Variants in SYS1 observed in about 807,000 individuals in gnomAD.
SYS1 encodes the protein protein SYS1 homolog.
SYS1 carries 8 observed loss-of-function variants against 17.8 expected under a neutral mutation model. That is an observed-to-expected ratio of 0.45 (90% confidence interval 0.26 to 0.81). The LOEUF (loss-of-function observed/expected upper bound fraction) is 0.81, where lower values mean the gene tolerates loss of function less well. SYS1 is among the 40% of genes least tolerant of loss of function. The probability of loss-of-function intolerance (pLI) is 0.16; values close to 1 mark genes in which losing one functional copy is unlikely to be tolerated. For synonymous variants in SYS1, 95 were observed against 90.9 expected (o/e 1.05, Z -0.26); for missense variants, 161 against 203.9 (o/e 0.79, Z 1.28).
chr20:45,362,456 T>C (rs1988253555), upstream of SYS1, among the ~76,000 whole-genome samples: 1 of 152,070 alleles, frequency 6.6e-6, no homozygotes. Context: ...AACCTCTGCC[T>C]CCCGGGTTCA....
rs1274895941 is a variant in SYS1, at chr20:45,363,414, C to T, written c.-4+99C>T. The T allele has an allele frequency of 1.3e-5, 19 of 1,450,608 alleles. No individual in the cohort carries two copies. The African/African-American group carries it at 2.4e-4, about 18-fold the overall frequency. The allele number at this position is 1,450,608 out of a possible 1,614,324, so 89.9% of individuals were successfully genotyped here. A position where few individuals can be genotyped will look rare whatever the true frequency, so the allele number is the denominator to read the frequency against. On this transcript the variant is annotated intron_variant, in intron 1 of 3. Transcript: ENST00000243918. ...CTGAGAATGGGTCTGTCTGCCCCGCCTTCCCCCTGACTCTTGGAATGGGCT... is the reference window on the plus strand; with the variant it reads ...CTGAGAATGGGTCTGTCTGCCCCGCTTTCCCCCTGACTCTTGGAATGGGCT...
downstream of SYS1, chr20:45,373,995 G>T: frequency 6.2e-7 from 1 of 1,613,926 alleles, no homozygotes; most frequent in Non-Finnish European, 8.5e-7. Context: ...TCTGGCTCTC[G>T]TCCAGGTCAC....
Position 45,363,279 on chromosome 20 carries a change from C to A in SYS1, c.-40C>A. On this transcript the variant is annotated 5_prime_UTR_variant, in exon 1 of 4. Coordinates refer to ENST00000243918, the MANE Select transcript of SYS1 (RefSeq NM_033542.4). The stretch of plus-strand genomic sequence containing the variant: ...TTGGGAGCCCGCCGGTGAGGCCGGG[C>A]CACGCTCAGACACTTCGATCGTCGA... 1.6e-6 allele frequency: 2 copies of A among 1,265,142 alleles called. No homozygotes were observed. Among genetic ancestry groups the A allele is most frequent in the Non-Finnish European group, 2.0e-6 (2 of 1,000,006 alleles). The allele number at this position is 1,265,142 out of a possible 1,614,324, so 78.4% of individuals were successfully genotyped here.
chr20:45,375,942 G>T (rs1328707268), exon 4 of SYS1: 2 of 186,308 alleles, frequency 1.1e-5, no homozygotes, highest in Non-Finnish European at 2.2e-5. Flanking sequence ...CTGACCCACT[G>T]GGGCAGGATA....
At chr20:45,376,493 A>T (rs1203694893) in exon 4 of SYS1, 1 of 152,394 alleles carries the variant, frequency 6.6e-6, no homozygotes, top group Admixed American at 6.5e-5. Flanking sequence ...GGATTCAGAC[A>T]AACGGGCTCA....
downstream of SYS1, chr20:45,373,992 C>T: frequency 1.2e-6 from 2 of 1,614,092 alleles, no homozygotes; most frequent in Non-Finnish European, 1.7e-6. Context: ...ACCTCTGGCT[C>T]TCGTCCAGGT....
Position 45,367,138 on chromosome 20 carries a change from G to T in SYS1, c.*23G>T. On this transcript the variant is annotated 3_prime_UTR_variant, in exon 4 of 4. Transcript: ENST00000243918. ...TAGAATCAGGCCCTTTGGACATCCT[G>T]CTGACACTTGGGCCCCTTAACACCT... is the stretch of plus-strand genomic sequence containing the variant. 6.2e-7 allele frequency: 1 copy of T among 1,613,012 alleles called. No individual in the cohort carries two copies. Among genetic ancestry groups the T allele is most frequent in the Middle Eastern group, 1.7e-4 (1 of 6,058 alleles).
At chr20:45,375,020 GTGT>G in exon 4 of SYS1, 1 of 1,604,468 alleles carries the variant, frequency 6.2e-7, no homozygotes, top group Admixed American at 1.7e-5. Context: ...TAGCCTGGCA[GTGT>G]TGTTGTCACA....
At chr20:45,370,184 C>T (rs1422079266), downstream of SYS1, among the ~76,000 whole-genome samples, 1 of 152,200 alleles carries the variant, frequency 6.6e-6, no homozygotes, top group African/African-American at 2.4e-5. Context: ...GCCTCAGCCT[C>T]CCAAAGTGCT....
At position 45,375,116 on chromosome 20, in the gene SYS1, T is replaced by G. The variant is rs201045858; in HGVS notation, c.*822T>G. ...CAGCGGCGCTTGACCCAACGCAGGGTGGAGGATCTGCACATCACCCTGGGC... is the reference window on the plus strand; with the variant it reads ...CAGCGGCGCTTGACCCAACGCAGGGGGGAGGATCTGCACATCACCCTGGGC... On this transcript the variant is annotated 3_prime_UTR_variant, in exon 4 of 4. Transcript: ENST00000426004. The G allele has an allele frequency of 6.4e-5, 104 of 1,614,068 alleles. 1 individual carries two copies. In the East Asian group the frequency reaches 2.1e-3, roughly 33 times the overall value.
At chr20:45,375,039 C>T (rs371763011) in exon 4 of SYS1, 2 of 1,612,234 alleles carry the variant, frequency 1.2e-6, no homozygotes, top group East Asian at 2.2e-5. Context: ...TCACACCCAC[C>T]TTGTATGGAT....
chr20:45,363,597 G>T lies in SYS1; in HGVS notation c.66G>T (p.Met22Ile). Residue 22 changes from methionine to isoleucine, a missense_variant, in exon 2 of 4, where the codon ATG (methionine) becomes ATT (isoleucine). Physicochemically the swap from Met to Ile is conservative, Grantham distance 10. Transcript: ENST00000243918. ...TGATCCTGTCGCAGATCGTCCTCAT[G>T]CAGACCGTGTATTACGGCTCGCTGG... Reference protein sequence around the residue: ...PLLILSQIVLMQTVYYGSLGL... With the variant: ...PLLILSQIVLIQTVYYGSLGL... 1 of 1,604,746 alleles carries T rather than the reference G, an allele frequency of 6.2e-7. No homozygotes were observed. The highest frequency in any genetic ancestry group is 8.5e-7 in the Non-Finnish European group (1 of 1,176,136).
At chr20:45,365,328 C>T (rs1462188740) in intron 2 of SYS1, 2 of 482,930 alleles carry the variant, frequency 4.1e-6, no homozygotes, top group East Asian at 8.6e-5. Context: ...GAACGCTGTT[C>T]TAGACTTTAC....
rs563141804 is a variant in SYS1, at chr20:45,363,181, C to T, written c.-138C>T. 2 of 1,050,592 alleles carry T rather than the reference C, an allele frequency of 1.9e-6. No homozygotes were observed. The highest frequency in any genetic ancestry group is 2.3e-6 in the Non-Finnish European group (2 of 869,944). 65.1% of individuals were successfully genotyped at this position (1,050,592 alleles called of 1,614,324 possible). On this transcript the variant is annotated 5_prime_UTR_variant, in exon 1 of 4. Transcript: ENST00000243918. ...CTTTCCTACGCAGCCGCTCCTGCCG[C>T]CGTGGTCGCTGGAGCTTTGCCTCTC...
At chr20:45,361,956 G>A (rs1316501560), upstream of SYS1, 1 of 983,588 alleles carries the variant, frequency 1.0e-6, no homozygotes, top group Non-Finnish European at 1.2e-6. Flanking sequence ...CTTACTTCCC[G>A]TCTTTCCACT....
exon 4 of SYS1, chr20:45,374,775 G>C (rs534035903): frequency 1.9e-6 from 1 of 513,940 alleles, no homozygotes; most frequent in African/African-American, 1.9e-5. Flanking sequence ...AAGGCCTTCA[G>C]GCAGTGAGAT....
chr20:45,363,589 G>A lies in SYS1; in HGVS notation c.58G>A (p.Val20Ile), dbSNP rs1568916019. The A allele has an allele frequency of 6.2e-7, 1 of 1,603,004 alleles. No individual in the cohort carries two copies. Residue 20 changes from valine to isoleucine, a missense_variant, in exon 2 of 4, where the codon GTC becomes ATC. Val to Ile is a conservative substitution (Grantham distance 29, BLOSUM62 3). Transcript: ENST00000243918. Reference sequence around the variant, plus strand: ...CCCGCTGCTGATCCTGTCGCAGATCGTCCTCATGCAGACCGTGTATTACGG... The same window carrying A: ...CCCGCTGCTGATCCTGTCGCAGATCATCCTCATGCAGACCGTGTATTACGG... ...WDPLLILSQIVLMQTVYYGSL... is the reference protein window; with the variant it reads ...WDPLLILSQIILMQTVYYGSL...
In SYS1 at chr20:45,368,927, C is replaced by G. The variant is rs1013083672; in HGVS notation, c.*1812C>G. ...TGGGATTCACTTCAAGGTCTTGTGC[C>G]TATTTTTCTGCATATCTTCTGTGAT... On this transcript the variant is annotated 3_prime_UTR_variant, in exon 4 of 4. Transcript: ENST00000243918. The G allele has an allele frequency of 1.6e-5, 15 of 952,762 alleles. No homozygotes were observed. Among genetic ancestry groups the G allele is most frequent in the Admixed American group, 6.2e-5 (1 of 16,242 alleles). The allele number at this position is 952,762 out of a possible 1,614,324, so 59.0% of individuals were successfully genotyped here. A position where few individuals can be genotyped will look rare whatever the true frequency, so the allele number is the denominator to read the frequency against.
intron 2 of SYS1, 58 bp downstream of exon 2, chr20:45,363,751 T>TG: frequency 1.3e-6 from 2 of 1,517,232 alleles, no homozygotes; most frequent in Non-Finnish European, 1.8e-6. Context: ...GGCTTTGTGG[T>TG]CCATCACTAC....
Sources: allele counts gnomAD v4.1 joint callset (sites outside exome capture counted in the v4.1 genomes callset), GRCh38; gene constraint gnomAD v4.1.1; transcripts MANE v1.5; gene names NCBI Gene and HGNC (gene_info 2026-07-23, HGNC 2026-07-21).